Variants in CYP2A6 observed in about 807,000 individuals in gnomAD.
CYP2A6 encodes cytochrome P450 2A6.
CYP2A6 carries 27 observed loss-of-function variants against 42.3 expected under a neutral mutation model. That is an observed-to-expected ratio of 0.64 (90% CI 0.47 to 0.88). CYP2A6 has a LOEUF of 0.88. Ranked by LOEUF, CYP2A6 falls within the 40% of genes least tolerant of loss-of-function variation. The pLI is 0.00. For missense variants in CYP2A6, 628 were observed against 646.0 expected (o/e 0.97, Z 0.30); for synonymous variants, 238 against 246.3 (o/e 0.97, Z 0.31).
At position 40,845,343 on chromosome 19, in the gene CYP2A6, G is replaced by A. The variant is rs1401490028; in HGVS notation, c.1112C>T (p.Ala371Val). The part of the protein sequence containing the change: ...RFGDVIPMSL[A>V]RRVKKDTKFR... The stretch of plus-strand genomic sequence containing the variant: ...CTTGGTGTCCTTTTTGACTCTGCGG[G>A]CCAAACTCATGGGGATCACGTCTCC... Residue 371 changes from alanine to valine, a missense_variant, in exon 7 of 9, where the codon GCC (alanine) becomes GTC (valine). By Grantham distance (64) the Ala-to-Val change is moderately conservative. Transcript: ENST00000301141. 2 of 1,611,626 alleles carry A rather than the reference G, an allele frequency of 1.2e-6. No individual in the cohort carries two copies. The highest frequency in any genetic ancestry group is 1.7e-5 in the Admixed American group (1 of 59,966).
chr19:40,849,079 A>AGAGC (rs1967173310), intron 2 of CYP2A6, among the ~76,000 whole-genome samples: 2 of 147,278 alleles, frequency 1.4e-5, no homozygotes, highest in South Asian at 2.2e-4. Flanking sequence ...AGAGAGAGAG[A>AGAGC]GAGAGAGAGA....
chr19:40,846,027 C>A lies in CYP2A6; in HGVS notation c.902G>T (p.Gly301Val), dbSNP rs60823196. Residue 301 changes from glycine to valine, a missense_variant, in exon 6 of 9, where the codon GGG becomes GTG. By Grantham distance (109) the Gly-to-Val change is moderately radical. This residue lies in a region of CYP2A6 where 606 missense variants were observed against 568.1 expected (regional missense o/e 1.07). Transcript: ENST00000301141. Reference sequence around the variant, plus strand: ...GGTGGTGCTGACGGTCTCGGTGCCCCCAATGAAGAGGTTCAACGTGGTCAT... The same window carrying A: ...GGTGGTGCTGACGGTCTCGGTGCCCACAATGAAGAGGTTCAACGTGGTCAT... ...LVMTTLNLFI[G>V]GTETVSTTLR... The A allele has an allele frequency of 1.2e-6, 2 of 1,611,330 alleles. No homozygotes were observed. The highest frequency in any genetic ancestry group is 2.7e-5 in the African/African-American group (2 of 74,464).
At chr19:40,850,060 G>C in intron 1 of CYP2A6, 80 bp from the exon 2 acceptor site, 3 of 1,573,680 alleles carry the variant, frequency 1.9e-6, no homozygotes, top group Non-Finnish European at 2.6e-6. Flanking sequence ...TCATGTGCTG[G>C]GATGCTTCGC....
intron 1 of CYP2A6, 29 bp downstream of exon 1, chr19:40,850,218 G>C (rs8192722): frequency 1.9e-6 from 3 of 1,595,756 alleles, no homozygotes; most frequent in South Asian, 1.1e-5. Context: ...CCCCCACCCC[G>C]TGCCACCCAT....
intron 6 of CYP2A6, 81 bp from the exon 7 acceptor site, chr19:40,845,562 G>C (rs2083452319): frequency 2.5e-6 from 4 of 1,573,458 alleles, no homozygotes; most frequent in Non-Finnish European, 3.5e-6. Context: ...AAAATGGGGT[G>C]GATGATATGG....
intron 6 of CYP2A6, among the ~76,000 whole-genome samples, chr19:40,845,716 C>T (rs2316214): frequency 1.3e-5 from 2 of 151,428 alleles, no homozygotes; most frequent in Non-Finnish European, 2.9e-5. Flanking sequence ...CCCGGTGGAA[C>T]GGGCAGTGGG....
At chr19:40,849,659 T>C (rs138920918) in intron 2 of CYP2A6, among the ~76,000 whole-genome samples, 159 bp downstream of exon 2, 70 of 150,928 alleles carry the variant, frequency 4.6e-4, no homozygotes, top group South Asian at 8.5e-4. Flanking sequence ...AGGTGAGGGA[T>C]ACACATGGAG....
At position 40,848,298 on chromosome 19, in the gene CYP2A6, T is replaced by G; in HGVS notation, c.575A>C (p.Asp192Ala). 6.2e-7 allele frequency: 1 copy of G among 1,611,722 alleles called. No homozygotes were observed. The highest frequency in any genetic ancestry group is 1.1e-5 in the South Asian group (1 of 90,914). ...ISSIVFGDRF[D>A]YKDKEFLSLL... The stretch of plus-strand genomic sequence containing the variant: ...TGACAGGAACTCTTTGTCCTTATAG[T>G]CAAAGCGGTCCCCAAAGACAATGGA... The change falls in exon 4 of 9, where the codon GAC becomes GCC. Residue 192 changes from aspartate to alanine, a missense_variant. Around this residue, in one of 2 missense-constraint regions of CYP2A6, gnomAD observed 606 missense variants for 568.1 expected, o/e 1.07. Transcript: ENST00000301141.
At chr19:40,849,788 C>A (rs746509603) in intron 2 of CYP2A6, 30 bp downstream of exon 2, 10 of 1,607,924 alleles carry the variant, frequency 6.2e-6, no homozygotes, top group Admixed American at 1.7e-5. Context: ...GTCCACCTGG[C>A]CACCTTCCCC....
Position 40,849,749 on chromosome 19 carries a change from GA to G in CYP2A6, c.343+68del. ...GCCTCCAGTTGGCAGGAGAGTCAGG[GA>G]GAAGGCTGGGAACACTGAGACCTTC... On this transcript the variant is annotated intron_variant, in intron 2 of 8. Coordinates refer to ENST00000301141, the MANE Select transcript of CYP2A6 (RefSeq NM_000762.6). 4.4e-6 allele frequency: 7 copies of G among 1,595,544 alleles called. No homozygotes were observed. In the South Asian group the frequency reaches 5.7e-5, roughly 13 times the overall value.
In CYP2A6 at chr19:40,848,277, A is replaced by G. The variant is rs538011777; in HGVS notation, c.596T>C (p.Leu199Pro). ...TCCTAGCATCATGCGCAACAGTGAC[A>G]GGAACTCTTTGTCCTTATAGTCAAA... ...DRFDYKDKEF[L>P]SLLRMMLGIF... The change falls in exon 4 of 9, where the codon CTG becomes CCG. Residue 199 changes from leucine to proline, a missense_variant. Around this residue, in one of 2 missense-constraint regions of CYP2A6, gnomAD observed 606 missense variants for 568.1 expected, o/e 1.07. Coordinates refer to ENST00000301141, the MANE Select transcript of CYP2A6 (RefSeq NM_000762.6). 1.2e-6 allele frequency: 2 copies of G among 1,611,850 alleles called. No homozygotes were observed. Among genetic ancestry groups the G allele is most frequent in the Non-Finnish European group, 1.7e-6 (2 of 1,179,948 alleles).
intron 6 of CYP2A6, 92 bp from the exon 7 acceptor site, chr19:40,845,573 C>T (rs1353465489): frequency 5.1e-6 from 8 of 1,556,788 alleles, no homozygotes; most frequent in Non-Finnish European, 7.0e-6. Context: ...GATGATATGG[C>T]TCCGCCTATG....
At chr19:40,847,439 G>A (rs913156695) in intron 4 of CYP2A6, among the ~76,000 whole-genome samples, 3 of 151,464 alleles carry the variant, frequency 2.0e-5, no homozygotes, top group African/African-American at 7.3e-5. Context: ...AGGCATTCAA[G>A]TAGGCTTGGT....
rs1403377399 is a variant in CYP2A6, at chr19:40,848,673, A to C, written c.434T>G (p.Ile145Ser). 1 of 1,611,814 alleles carries C rather than the reference A, an allele frequency of 6.2e-7. No homozygotes were observed. Among genetic ancestry groups the C allele is most frequent in the Non-Finnish European group, 8.5e-7 (1 of 1,179,892 alleles). The part of the protein sequence containing the change: ...LRDFGVGKRG[I>S]EERIQEEAGF... ...CGCCTCCTCCTGGATGCGCTCCTCG[A>C]TGCCTCGCTTGCCCACCCCGAAGTC... is the stretch of plus-strand genomic sequence containing the variant. The change falls in exon 3 of 9, where the codon ATC becomes AGC. Residue 145 changes from isoleucine (I) to serine (S), a missense_variant. This residue lies in a region of CYP2A6 where 606 missense variants were observed against 568.1 expected (regional missense o/e 1.07). Transcript: ENST00000301141.
At chr19:40,844,210 T>G (rs1353230312) in intron 8 of CYP2A6, among the ~76,000 whole-genome samples, 1 of 151,156 alleles carries the variant, frequency 6.6e-6, no homozygotes, top group African/African-American at 2.4e-5. Context: ...TAGTTTACAT[T>G]AGGGTTTACT....
chr19:40,849,045 G>GAGAGAGAGGAGA (rs1235580651), intron 2 of CYP2A6, among the ~76,000 whole-genome samples: 1 of 24,240 alleles, frequency 4.1e-5, no homozygotes, highest in African/African-American at 2.0e-4. Context: ...AAGAGAGAGA[G>GAGAGAGAGGAGA]GAGAGAGAGA....
At position 40,850,308 on chromosome 19, in the gene CYP2A6, A is replaced by T; in HGVS notation, c.119T>A (p.Leu40Ter). 3.1e-6 allele frequency: 5 copies of T among 1,610,138 alleles called. No individual in the cohort carries two copies. The highest frequency in any genetic ancestry group is 1.7e-4 in the Middle Eastern group (1 of 6,052). The change falls in exon 1 of 9, where the codon TTG (leucine) becomes TAG (stop). Residue 40 changes from leucine (L) to a stop codon, truncating the protein, a stop_gained. Coordinates refer to ENST00000301141, the MANE Select transcript of CYP2A6 (RefSeq NM_000762.6). LOFTEE classifies it high-confidence loss of function. ...CTGCAGGTAGTTTCCAATGAAGGGC[A>T]ATGGGGTGGGTCCCGGAGGCAGCTT... ...KGKLPPGPTP[L>*]PFIGNYLQLN... is the part of the protein sequence containing the mutation.
intron 2 of CYP2A6, among the ~76,000 whole-genome samples, 177 bp from the exon 3 acceptor site, chr19:40,848,940 TAGAGAGAGAGAGAGAGAGAG>T (rs67032351): frequency 1.5e-5 from 1 of 66,126 alleles, no homozygotes; most frequent in Non-Finnish European, 2.7e-5. Context: ...GATGTCGAGG[TAGAGAGAGAGAGAGAGAGAG>T]AGAGAGAGAG....
In CYP2A6 at chr19:40,848,668, C is replaced by T. The variant is rs1170649568; in HGVS notation, c.439G>A (p.Glu147Lys). ...AAGCCCGCCTCCTCCTGGATGCGCT[C>T]CTCGATGCCTCGCTTGCCCACCCCG... ...DFGVGKRGIEERIQEEAGFLI... is the reference protein window; with the variant it reads ...DFGVGKRGIEKRIQEEAGFLI... The change falls in exon 3 of 9, where the codon GAG becomes AAG. Residue 147 changes from glutamate to lysine, a missense_variant. Glu to Lys is a moderately conservative substitution (Grantham distance 56). Coordinates refer to ENST00000301141, the MANE Select transcript of CYP2A6 (RefSeq NM_000762.6). The T allele has an allele frequency of 1.4e-5, 23 of 1,611,992 alleles. No homozygotes were observed. The highest frequency in any genetic ancestry group is 1.9e-5 in the Non-Finnish European group (23 of 1,179,902).
Sources: gnomAD v4.1 joint callset for allele counts (sites outside exome capture counted in the v4.1 genomes callset) on GRCh38, gnomAD v4.1.1 for gene constraint, gnomAD v4.1.1 regional missense constraint, MANE v1.5 for transcripts, NCBI Gene and HGNC (gene_info 2026-07-23, HGNC 2026-07-21) for gene names.